Variants in PRELID2 observed in about 807,000 individuals in gnomAD.
PRELID2 encodes the protein PRELI domain-containing protein 2.
In PRELID2, 25 loss-of-function variants were observed where a neutral mutation model predicts 28.4. The ratio of observed to expected loss-of-function variants is 0.88; its 90% CI spans 0.64 to 1.23. PRELID2 has a LOEUF of 1.23. Among genes scored for constraint, PRELID2 ranks in the 50% most tolerant of loss-of-function variants. PRELID2 has a pLI of 0.00. For synonymous variants in PRELID2, 76 were observed against 71.6 expected (o/e 1.06, Z -0.31); for missense variants, 201 against 214.4 (o/e 0.94, Z 0.39).
intron 5 of PRELID2, among the ~76,000 whole-genome samples, chr5:145,782,202 C>G (rs1014240425): frequency 1.3e-5 from 2 of 152,184 alleles, no homozygotes; most frequent in African/African-American, 4.8e-5. Context: ...TAGAGACAAG[C>G]CATGCATTTG....
At chr5:145,538,940 G>A (rs1030905239) in intron 1 of PRELID2, among the ~76,000 whole-genome samples, 1 of 151,902 alleles carries the variant, frequency 6.6e-6, no homozygotes, top group Non-Finnish European at 1.5e-5. Flanking sequence ...AAGCCTCACT[G>A]CATAACTCAG....
chr5:145,308,866 C>A, the PRELID2 span, among the ~76,000 whole-genome samples: 243 of 152,224 alleles, frequency 1.6e-3, no homozygotes, highest in African/African-American at 5.7e-3. Context: ...GACCTTGATG[C>A]TATCAACATT....
intron 1 of PRELID2, among the ~76,000 whole-genome samples, chr5:145,499,780 G>A (rs1752342135): frequency 6.6e-6 from 1 of 152,184 alleles, no homozygotes; most frequent in Non-Finnish European, 1.5e-5. Flanking sequence ...GAAATGAAAG[G>A]ACAGCAGAGA....
At chr5:145,592,138 C>G (rs1353134246) in intron 1 of PRELID2, among the ~76,000 whole-genome samples, 1 of 152,146 alleles carries the variant, frequency 6.6e-6, no homozygotes, top group Non-Finnish European at 1.5e-5. Flanking sequence ...TTAAATCAGC[C>G]AGGCACGGTG....
intron 4 of PRELID2, among the ~76,000 whole-genome samples, chr5:145,811,868 G>A (rs1753967946): frequency 6.6e-6 from 1 of 152,076 alleles, no homozygotes. Context: ...TACTTCCAAA[G>A]CAAAATAAAG....
At chr5:145,763,276 G>A (rs539075507) in intron 6 of PRELID2, among the ~76,000 whole-genome samples, 2 of 152,300 alleles carry the variant, frequency 1.3e-5, no homozygotes, top group African/African-American at 2.4e-5. Flanking sequence ...TATGCTAGCC[G>A]AGAAAACCAG....
chr5:145,726,235 A>AGGGAGG (rs1756148671), intron 1 of PRELID2, among the ~76,000 whole-genome samples: 1 of 91,100 alleles, frequency 1.1e-5, no homozygotes, highest in African/African-American at 4.9e-5. Context: ...GAAGGAAGGA[A>AGGGAGG]GGAGGGAGGG....
rs1756250545 is a variant in PRELID2, at chr5:145,728,772, C to T, written n.70+36159G>A. On this transcript the variant is annotated intron_variant and non_coding_transcript_variant, in intron 1 of 2. Transcript: ENST00000510259. ...TGTGAAGGCTTCATTTTGTTTTGCACCAATGTAGTAGGAGTAGAAGTTGTA... is the reference window on the plus strand; with the variant it reads ...TGTGAAGGCTTCATTTTGTTTTGCATCAATGTAGTAGGAGTAGAAGTTGTA... The T allele has an allele frequency of 2.4e-6, 3 of 1,274,112 alleles. No homozygotes were observed. The East Asian group carries it at 6.9e-5, about 29-fold the overall frequency. The allele number at this position is 1,274,112 out of a possible 1,614,324, so 78.9% of individuals were successfully genotyped here.
the PRELID2 span, among the ~76,000 whole-genome samples, chr5:145,343,939 A>G: frequency 6.6e-6 from 1 of 152,028 alleles, no homozygotes; most frequent in Non-Finnish European, 1.5e-5. Context: ...CTGGAAACAT[A>G]CAACATACCA....
chr5:145,742,067 T>G (rs1160782492), intron 1 of PRELID2, among the ~76,000 whole-genome samples: 1 of 36,644 alleles, frequency 2.7e-5, no homozygotes, highest in East Asian at 1.1e-3. Context: ...AATTTATTTA[T>G]AATTATACGT....
intron 1 of PRELID2, chr5:145,729,004 TC>T: frequency 2.8e-6 from 2 of 712,628 alleles, no homozygotes. Context: ...TCCCACTCCC[TC>T]CTGGCCAAAG....
intron 1 of PRELID2, among the ~76,000 whole-genome samples, chr5:145,565,345 G>C (rs1201993198): frequency 6.6e-6 from 1 of 152,176 alleles, no homozygotes; most frequent in African/African-American, 2.4e-5. Context: ...TTTTGACATG[G>C]AACCATTATA....
chr5:145,358,567 T>C, the PRELID2 span, among the ~76,000 whole-genome samples: 1 of 151,978 alleles, frequency 6.6e-6, no homozygotes, highest in African/African-American at 2.4e-5. Context: ...GCTAGCCCAC[T>C]TTAACTCTAG....
chr5:145,489,664 T>C (rs938692226), intron 1 of PRELID2, among the ~76,000 whole-genome samples: 1 of 152,170 alleles, frequency 6.6e-6, no homozygotes, highest in African/African-American at 2.4e-5. Flanking sequence ...GGGATCATAA[T>C]ACAAAATCAC....
At chr5:145,814,911 C>T (rs72816433) in intron 4 of PRELID2, among the ~76,000 whole-genome samples, 24,740 of 152,172 alleles carry the variant, frequency 0.16, 2,547 homozygotes, top group Non-Finnish European at 0.23. Flanking sequence ...CACGCTCATG[C>T]GCTGTTGATC....
chr5:145,403,888 A>G, the PRELID2 span, among the ~76,000 whole-genome samples: 1 of 152,210 alleles, frequency 6.6e-6, no homozygotes, highest in South Asian at 2.1e-4. Flanking sequence ...CTGCATCTTC[A>G]TAACAGCCAA....
chr5:145,244,646 A>G, the PRELID2 span, among the ~76,000 whole-genome samples: 30 of 152,024 alleles, frequency 2.0e-4, no homozygotes, highest in African/African-American at 6.5e-4. Flanking sequence ...CCCAATTTCA[A>G]CTCATAGTAA....
chr5:145,486,583 G>A (rs1011997272), intron 1 of PRELID2, among the ~76,000 whole-genome samples: 4 of 152,124 alleles, frequency 2.6e-5, no homozygotes, highest in Admixed American at 6.5e-5. Flanking sequence ...CCGCTCTTGG[G>A]GAAAATTCAG....
intron 1 of PRELID2, among the ~76,000 whole-genome samples, chr5:145,499,338 A>G (rs1471713403): frequency 1.3e-5 from 2 of 152,238 alleles, no homozygotes; most frequent in Non-Finnish European, 2.9e-5. Flanking sequence ...CTAGAAGGAT[A>G]TCACAAATAG....
Sources: gnomAD v4.1 joint callset for allele counts (sites outside exome capture counted in the v4.1 genomes callset) on GRCh38, gnomAD v4.1.1 for gene constraint, MANE v1.5 for transcripts, NCBI Gene and HGNC (gene_info 2026-07-23, HGNC 2026-07-21) for gene names.